The following DYM variants were observed in gnomAD, a reference collection of about 807,000 sequenced individuals.
DYM encodes dyggve-Melchior-Clausen syndrome protein.
A neutral mutation model predicts 93.1 loss-of-function variants in DYM; 78 were observed. The ratio of observed to expected loss-of-function variants is 0.84; its 90% CI spans 0.70 to 1.01. The LOEUF is 1.01. Ranked by LOEUF, DYM falls within the 50% of genes least tolerant of loss-of-function variation. DYM has a pLI of 0.00. For missense variants in DYM, 789 were observed against 845.0 expected (o/e 0.93, Z 0.82); for synonymous variants, 321 against 319.7 (o/e 1.00, Z -0.04).
At chr18:49,060,719 TGGGGG>T (rs2075904649) in intron 17 of DYM, among the ~76,000 whole-genome samples, 1 of 8,222 alleles carries the variant, frequency 1.2e-4, no homozygotes, top group Admixed American at 1.2e-3. Flanking sequence ...GAGAGGGAGG[TGGGGG>T]GAGAGAGGGA....
intron 8 of DYM, among the ~76,000 whole-genome samples, chr18:49,315,746 G>GAATC (rs1484595021): frequency 4.6e-5 from 7 of 152,010 alleles, no homozygotes; most frequent in African/African-American, 1.7e-4. Flanking sequence ...AAAAGCAAAT[G>GAATC]AATCATAGTA....
intron 16 of DYM, among the ~76,000 whole-genome samples, chr18:49,106,389 C>T (rs1054687719): frequency 2.6e-5 from 4 of 152,154 alleles, no homozygotes; most frequent in Non-Finnish European, 5.9e-5. Flanking sequence ...TTAATTGGAG[C>T]ATTTAGCCCA....
chr18:49,169,876 G>A (rs528267329), intron 14 of DYM, among the ~76,000 whole-genome samples: 37 of 152,286 alleles, frequency 2.4e-4, no homozygotes, highest in African/African-American at 7.7e-4. Context: ...TTTAGGAAAC[G>A]TCCATATTAT....
intron 14 of DYM, among the ~76,000 whole-genome samples, chr18:49,172,656 T>C (rs1282837768): frequency 6.6e-6 from 1 of 152,144 alleles, no homozygotes; most frequent in Non-Finnish European, 1.5e-5. Flanking sequence ...AAGTTCTTTA[T>C]CAGGTATAAG....
At position 49,050,080 on chromosome 18, in the gene DYM, CT is replaced by C. The variant is rs555098372; in HGVS notation, c.2026-5877del. Among the ~76,000 whole-genome samples, 711 of 106,880 alleles carry C rather than the reference CT, an allele frequency of 6.7e-3. 4 individuals carry two copies. The highest frequency in any genetic ancestry group is 0.021 in the African/African-American group (561 of 26,126). The allele number at this position is 106,880 out of a possible 152,430, so 70.1% of individuals were successfully genotyped here. A position where few individuals can be genotyped will look rare whatever the true frequency, so the allele number is the denominator to read the frequency against. On this transcript the variant is annotated intron_variant, in intron 17 of 17. Transcript: ENST00000675505. Reference sequence around the variant, plus strand: ...ATAAGGTGGACAGAGAGGTAACTTCCTTTTTTTTTTTTTTTTTTTTTTTAAG... The same window carrying C: ...ATAAGGTGGACAGAGAGGTAACTTCCTTTTTTTTTTTTTTTTTTTTTTAAG...
chr18:49,165,934 G>C (rs941935067), intron 14 of DYM, among the ~76,000 whole-genome samples: 1 of 152,138 alleles, frequency 6.6e-6, no homozygotes, highest in Non-Finnish European at 1.5e-5. Flanking sequence ...GCAAAGCACA[G>C]AGGCAAAAGT....
rs533132030 is a variant in DYM at position 49,079,371 on chromosome 18, T to A, written c.2025+18031A>T. On this transcript the variant is annotated intron_variant, in intron 17 of 17. Coordinates refer to ENST00000675505, the MANE Select transcript of DYM (RefSeq NM_001353214.3). Reference sequence around the variant, plus strand: ...ATTTTGGGTTGTATCCTGAATAATATTAATGTTACATTGTAGAGATTCTTT... The same window carrying A: ...ATTTTGGGTTGTATCCTGAATAATAATAATGTTACATTGTAGAGATTCTTT... 2.6e-4 allele frequency among the ~76,000 whole-genome samples: 39 copies of A among 152,272 alleles called. No individual in the cohort carries two copies. The South Asian group carries it at 8.1e-3, about 32-fold the overall frequency.
chr18:49,047,361 T>A (rs931561110), intron 17 of DYM, among the ~76,000 whole-genome samples: 1 of 152,246 alleles, frequency 6.6e-6, no homozygotes, highest in Non-Finnish European at 1.5e-5. Context: ...TGTCTGCTGA[T>A]GATGTTGCTC....
intron 6 of DYM, among the ~76,000 whole-genome samples, chr18:49,359,011 G>T (rs1361562247): frequency 1.3e-5 from 2 of 152,160 alleles, no homozygotes; most frequent in African/African-American, 4.8e-5. Context: ...CCACTCGGTT[G>T]GTTCCCACAA....
intron 13 of DYM, among the ~76,000 whole-genome samples, chr18:49,220,660 T>A (rs188708807): frequency 0.011 from 1,737 of 152,268 alleles, 17 homozygotes; most frequent in South Asian, 0.018. Context: ...GGGGAAAGGA[T>A]TCCCTATTTA....
At chr18:49,229,176 A>T (rs1047744120) in intron 13 of DYM, among the ~76,000 whole-genome samples, 10 of 152,176 alleles carry the variant, frequency 6.6e-5, no homozygotes, top group African/African-American at 2.4e-4. Flanking sequence ...AAATTACTTG[A>T]CAAATAATAA....
intron 1 of DYM, among the ~76,000 whole-genome samples, chr18:49,437,257 C>G (rs998986872): frequency 1.3e-5 from 2 of 152,140 alleles, no homozygotes; most frequent in Admixed American, 1.3e-4. Context: ...TGTTCAACCC[C>G]TTTTTAAACA....
At chr18:49,287,397 C>G (rs2059732791) in intron 8 of DYM, among the ~76,000 whole-genome samples, 1 of 150,476 alleles carries the variant, frequency 6.6e-6, no homozygotes, top group African/African-American at 2.4e-5. Flanking sequence ...TTCTTACAAA[C>G]TAGAAAGGGA....
intron 17 of DYM, among the ~76,000 whole-genome samples, chr18:49,090,666 T>A (rs185815504): frequency 1.3e-4 from 20 of 152,246 alleles, no homozygotes; most frequent in African/African-American, 4.8e-4. Context: ...TTTATTGGAC[T>A]CTCATAGAGC....
chr18:49,350,881 TTAAAAA>T (rs2065061686), intron 6 of DYM, among the ~76,000 whole-genome samples: 1 of 152,092 alleles, frequency 6.6e-6, no homozygotes, highest in African/African-American at 2.4e-5. Context: ...ATATTACCTA[TTAAAAA>T]TAAGTATTTT....
chr18:49,215,471 C>T (rs899852724), intron 13 of DYM, among the ~76,000 whole-genome samples: 4 of 152,182 alleles, frequency 2.6e-5, no homozygotes, highest in Admixed American at 2.0e-4. Context: ...TCTTTACAGA[C>T]ATAGACAATA....
chr18:49,235,893 T>C (rs917177491), intron 13 of DYM, among the ~76,000 whole-genome samples: 1 of 152,196 alleles, frequency 6.6e-6, no homozygotes, highest in African/African-American at 2.4e-5. Flanking sequence ...CATATTCTTT[T>C]CCTCTTCATA....
intron 16 of DYM, among the ~76,000 whole-genome samples, chr18:49,103,062 C>T (rs1302696393): frequency 6.6e-6 from 1 of 152,194 alleles, no homozygotes; most frequent in Non-Finnish European, 1.5e-5. Context: ...TTTCTCCACA[C>T]CCTCCCCAGC....
chr18:49,129,844 G>A (rs2083216289), intron 15 of DYM, among the ~76,000 whole-genome samples: 1 of 152,154 alleles, frequency 6.6e-6, no homozygotes, highest in Non-Finnish European at 1.5e-5. Flanking sequence ...CTCTTGGCCT[G>A]TAGCACAGGC....
Sources: gnomAD v4.1 joint callset for allele counts (sites outside exome capture counted in the v4.1 genomes callset) on GRCh38, gnomAD v4.1.1 for gene constraint, MANE v1.5 for transcripts, NCBI Gene and HGNC (gene_info 2026-07-23, HGNC 2026-07-21) for gene names.